The following ADAMTS17 variants were observed in gnomAD, a reference collection of about 807,000 sequenced individuals.
The protein encoded by ADAMTS17 is A disintegrin and metalloproteinase with thrombospondin motifs 17.
A neutral mutation model predicts 141.5 loss-of-function variants in ADAMTS17; 113 were observed. That is an observed-to-expected ratio of 0.80 (90% confidence interval 0.69 to 0.93). The LOEUF (loss-of-function observed/expected upper bound fraction) is 0.93. Among genes scored for constraint, ADAMTS17 ranks in the 40% least tolerant of loss-of-function variants. The pLI, the probability that ADAMTS17 is intolerant of heterozygous loss-of-function variation, is 0.00. For synonymous variants in ADAMTS17, 768 were observed against 630.6 expected (o/e 1.22, Z -3.27); for missense variants, 1,659 against 1,517.9 (o/e 1.09, Z -1.54).
At chr15:100,319,579 C>T (rs2045667671) in intron 3 of ADAMTS17, among the ~76,000 whole-genome samples, 1 of 152,126 alleles carries the variant, frequency 6.6e-6, no homozygotes, top group African/African-American at 2.4e-5. Flanking sequence ...GGCATGGTGG[C>T]ACGCACCTGT....
rs755587669 is a variant in ADAMTS17 at position 100,199,354 on chromosome 15, T to C, written c.1145A>G (p.Asn382Ser). 2.7e-5 allele frequency: 44 copies of C among 1,614,056 alleles called. No individual in the cohort carries two copies. The highest frequency in any genetic ancestry group is 3.7e-5 in the Non-Finnish European group (44 of 1,180,038). ...CTCATGGGCGATGGTAAAGGCCAAA[T>C]TGAGACCATTGTCTTCGGCAAGCAC... ...KCVLAEDNGL[N>S]LAFTIAHELG... The change falls in exon 8 of 22, where the codon AAT becomes AGT. Residue 382 changes from asparagine to serine, a missense_variant. Physicochemically the swap from Asn to Ser is conservative, Grantham distance 46 (BLOSUM62 1). Transcript: ENST00000268070.
chr15:100,053,877 G>A lies in ADAMTS17; in HGVS notation c.2295+20C>T, dbSNP rs200047482. 8 of 1,614,214 alleles carry A rather than the reference G, an allele frequency of 5.0e-6. No homozygotes were observed. Among genetic ancestry groups the A allele is most frequent in the Non-Finnish European group, 6.8e-6 (8 of 1,180,036 alleles). Reference sequence around the variant, plus strand: ...CGGAGCCACACCCCCTAAGACAAGTGTGGAAGCCCAGCAAGTTACCATCAA... The same window carrying A: ...CGGAGCCACACCCCCTAAGACAAGTATGGAAGCCCAGCAAGTTACCATCAA... On this transcript the variant is annotated intron_variant, in intron 16 of 21. Coordinates refer to ENST00000268070, the MANE Select transcript of ADAMTS17 (RefSeq NM_139057.4).
chr15:100,096,363 C>T lies in ADAMTS17; in HGVS notation c.2130G>A (p.Arg710=). The T allele has an allele frequency of 6.2e-7, 1 of 1,613,838 alleles. No homozygotes were observed. ...HLVKGDFSHA[R]GTALKDSGKG... ...CCATGGGCCAACACTCACCTGTCCCCCGGGCGTGGCTGAAGTCGCCCTTCA... is the reference window on the plus strand; with the variant it reads ...CCATGGGCCAACACTCACCTGTCCCTCGGGCGTGGCTGAAGTCGCCCTTCA... Residue 710 remains arginine, a synonymous_variant, in exon 15 of 22, where the codon CGG becomes CGA. Transcript: ENST00000268070.
At chr15:100,330,214 A>C (rs2141951122) in intron 3 of ADAMTS17, among the ~76,000 whole-genome samples, 1 of 152,268 alleles carries the variant, frequency 6.6e-6, no homozygotes, top group South Asian at 2.1e-4. Context: ...ACTTTTAAAA[A>C]CCCTGGCACC....
Position 100,053,764 on chromosome 15 carries a change from G to C in ADAMTS17, c.2295+133C>G, listed in dbSNP as rs985476831. 12 of 1,304,200 alleles carry C rather than the reference G, an allele frequency of 9.2e-6. No individual in the cohort carries two copies. The African/African-American group carries it at 1.7e-4, about 19-fold the overall frequency. The allele number at this position is 1,304,200 out of a possible 1,614,324, so 80.8% of individuals were successfully genotyped here. ...GAGGGGAGAGGACTGAGCAGCAGGG[G>C]ACGGCATAAACCCCTGGAAGCCAGA... On this transcript the variant is annotated intron_variant, in intron 16 of 21. Transcript: ENST00000268070.
At chr15:100,314,716 G>C (rs1236968447) in intron 3 of ADAMTS17, among the ~76,000 whole-genome samples, 1 of 152,216 alleles carries the variant, frequency 6.6e-6, no homozygotes, top group Non-Finnish European at 1.5e-5. Context: ...ACATGGACAG[G>C]CATCGTCAGA....
At chr15:100,310,405 T>C (rs905011110) in intron 3 of ADAMTS17, among the ~76,000 whole-genome samples, 10 of 152,244 alleles carry the variant, frequency 6.6e-5, no homozygotes, top group South Asian at 6.2e-4. Flanking sequence ...TCTTTAAATA[T>C]TGACACAAAG....
rs913159679 is a variant in ADAMTS17 at position 99,993,152 on chromosome 15, T to C, written c.2845A>G (p.Thr949Ala). ...KGVWKRTVACTNSQGKCDAST... is the reference protein window; with the variant it reads ...KGVWKRTVACANSQGKCDAST... ...GCGTCGCATTTCCCTTGTGAGTTGG[T>C]GCACGCCACGGTCCGTTTCCACACC... The change falls in exon 20 of 22, where the codon ACC becomes GCC. Residue 949 changes from threonine (T) to alanine (A), a missense_variant. Thr to Ala is a moderately conservative substitution (Grantham distance 58, BLOSUM62 0). Coordinates refer to ENST00000268070, the MANE Select transcript of ADAMTS17 (RefSeq NM_139057.4). The surrounding 1 kb of genome is among the most constrained non-coding windows in gnomAD (Gnocchi z 4.3). 6.2e-7 allele frequency: 1 copy of C among 1,614,032 alleles called. No individual in the cohort carries two copies. The highest frequency in any genetic ancestry group is 8.5e-7 in the Non-Finnish European group (1 of 1,180,032).
At chr15:100,150,766 G>C (rs1394080108) in intron 10 of ADAMTS17, among the ~76,000 whole-genome samples, 12 of 152,128 alleles carry the variant, frequency 7.9e-5, no homozygotes, top group Admixed American at 7.9e-4. Context: ...TGGGCAGAGT[G>C]ACCACTCTGT....
chr15:100,133,662 T>C (rs1398111075), intron 10 of ADAMTS17, among the ~76,000 whole-genome samples: 1 of 152,000 alleles, frequency 6.6e-6, no homozygotes, highest in East Asian at 1.9e-4. Context: ...ACATCTTCCA[T>C]TTACAGCAGT....
intron 7 of ADAMTS17, among the ~76,000 whole-genome samples, chr15:100,246,899 T>A (rs200545967): frequency 1.4e-4 from 10 of 71,872 alleles, no homozygotes; most frequent in African/African-American, 5.3e-4. Context: ...TTATTTATTT[T>A]TTGAGACAAT....
At chr15:100,327,209 C>T (rs1808475333) in intron 3 of ADAMTS17, among the ~76,000 whole-genome samples, 1 of 152,164 alleles carries the variant, frequency 6.6e-6, no homozygotes. Context: ...AGGATATACA[C>T]GTATTATACG....
intron 7 of ADAMTS17, among the ~76,000 whole-genome samples, chr15:100,203,659 C>G (rs148721263): frequency 2.0e-5 from 3 of 152,122 alleles, no homozygotes; most frequent in African/African-American, 7.2e-5. Context: ...GAGCCGAGAT[C>G]GCGCCACTGC....
chr15:100,096,959 T>C lies in ADAMTS17; in HGVS notation c.2017-483A>G, dbSNP rs138571268. Reference sequence around the variant, plus strand: ...GAAACCACAGACTTTTCTAACAAGGTAGGGATGCCCACAGCTCATTCAGGC... The same window carrying C: ...GAAACCACAGACTTTTCTAACAAGGCAGGGATGCCCACAGCTCATTCAGGC... On this transcript the variant is annotated intron_variant, in intron 14 of 21. Transcript: ENST00000268070. Among the ~76,000 whole-genome samples the C allele has an allele frequency of 1.7e-3, 254 of 152,288 alleles. 4 individuals are homozygous for C. Among genetic ancestry groups the C allele is most frequent in the African/African-American group, 5.7e-3 (237 of 41,550 alleles).
intron 3 of ADAMTS17, among the ~76,000 whole-genome samples, chr15:100,315,493 A>ATACATCAC (rs770175915): frequency 7.1e-4 from 108 of 152,282 alleles, no homozygotes; most frequent in Non-Finnish European, 1.4e-3. Flanking sequence ...AGTCAAGCAA[A>ATACATCAC]TACATCACTG....
chr15:100,214,112 C>A (rs552497974), intron 7 of ADAMTS17, among the ~76,000 whole-genome samples: 1 of 152,124 alleles, frequency 6.6e-6, no homozygotes, highest in Non-Finnish European at 1.5e-5. Context: ...AGTTATCTGG[C>A]GCCCTCCTGA....
chr15:100,197,123 C>T (rs1391677623), intron 8 of ADAMTS17, among the ~76,000 whole-genome samples: 2 of 152,188 alleles, frequency 1.3e-5, no homozygotes, highest in Non-Finnish European at 2.9e-5. Context: ...TGATCCGGCA[C>T]ACTCGAACAG....
chr15:100,132,665 G>C (rs1596518126), intron 11 of ADAMTS17, among the ~76,000 whole-genome samples: 2 of 152,200 alleles, frequency 1.3e-5, no homozygotes, highest in East Asian at 3.9e-4. Flanking sequence ...TGCTAGGTGT[G>C]ATTTCTGTGG....
At chr15:100,026,124 G>A (rs371544234) in intron 18 of ADAMTS17, among the ~76,000 whole-genome samples, 8 of 152,120 alleles carry the variant, frequency 5.3e-5, no homozygotes, top group Admixed American at 2.0e-4. Context: ...TTTGTTTGGC[G>A]TGTCCTTCAA....
Sources: allele counts gnomAD v4.1 joint callset (sites outside exome capture counted in the v4.1 genomes callset), GRCh38; gene constraint gnomAD v4.1.1; non-coding constraint Gnocchi (gnomAD v3.1); transcripts MANE v1.5; gene names NCBI Gene and HGNC (gene_info 2026-07-23, HGNC 2026-07-21).